The following PSTK variants were observed in gnomAD, a reference collection of about 807,000 sequenced individuals.
PSTK encodes phosphoseryl-tRNA kinase, also known as L-seryl-tRNA(Sec) kinase.
Under a neutral mutation model 38.6 loss-of-function variants are expected in PSTK, and 26 were observed. The observed-to-expected ratio is 0.67, with a 90% CI of 0.49 to 0.94. The LOEUF (loss-of-function observed/expected upper bound fraction) is 0.94, where lower values mean the gene tolerates loss of function less well. Among genes scored for constraint, PSTK ranks in the 40% least tolerant of loss-of-function variants. PSTK has a pLI of 0.00. For missense variants in PSTK, 445 were observed against 436.3 expected (o/e 1.02, Z -0.18); for synonymous variants, 181 against 161.7 (o/e 1.12, Z -0.91).
chr10:122,986,498 C>A, intron 4 of PSTK, 123 bp downstream of exon 4: 1 of 730,914 alleles, frequency 1.4e-6, no homozygotes, highest in Non-Finnish European at 2.4e-6. Context: ...TGGCCTCTCA[C>A]CAGCACTCAC....
chr10:122,984,483 T>C (rs1358531563), intron 3 of PSTK: 1 of 152,280 alleles, frequency 6.6e-6, no homozygotes, highest in South Asian at 2.1e-4. Context: ...TAATTCCTTT[T>C]GAAATTCTTT....
chr10:122,983,395 A>G lies in PSTK; in HGVS notation c.632A>G (p.Lys211Arg). 1 of 1,614,202 alleles carries G rather than the reference A, an allele frequency of 6.2e-7. No homozygotes were observed. Among genetic ancestry groups the G allele is most frequent in the Non-Finnish European group, 8.5e-7 (1 of 1,180,034 alleles). Residue 211 changes from lysine to arginine, a missense_variant, in exon 3 of 6, where the codon AAG (lysine) becomes AGG (arginine). Physicochemically the swap from Lys to Arg is conservative, Grantham distance 26. Transcript: ENST00000406217. ...CACCTGATGGGAAGAAAGCTAGAAAAGCCCAACCCTGAGAAAAATGCTTGG... is the reference window on the plus strand; with the variant it reads ...CACCTGATGGGAAGAAAGCTAGAAAGGCCCAACCCTGAGAAAAATGCTTGG... ...TIHLMGRKLE[K>R]PNPEKNAWEH...
intron 1 of PSTK, among the ~76,000 whole-genome samples, chr10:122,981,272 A>T (rs915846920): frequency 3.3e-5 from 5 of 152,250 alleles, no homozygotes; most frequent in Non-Finnish European, 5.9e-5. Flanking sequence ...TTCATCTCAA[A>T]GTAAATCTGC....
intron 3 of PSTK, 63 bp from the exon 4 acceptor site, chr10:122,986,228 CAAAAAAAAA>C (rs544540038): frequency 3.3e-6 from 2 of 602,124 alleles, no homozygotes; most frequent in South Asian, 2.2e-5. Flanking sequence ...GACTCCATCT[CAAAAAAAAA>C]AAAAAAAAAA....
rs748272349 is a variant in PSTK, at chr10:122,980,649, A to G, written c.170A>G (p.Asp57Gly). ...GWAIGVVAYD[D>G]VMPDAFLAGA... ...GCCATCGGTGTTGTCGCGTATGATG[A>G]CGTCATGCCCGACGCGTTTCTCGCC... is the stretch of plus-strand genomic sequence containing the variant. The change falls in exon 1 of 6, where the codon GAC becomes GGC. Residue 57 changes from aspartate to glycine, a missense_variant. Transcript: ENST00000406217. The surrounding 1 kb of genome is among the most constrained non-coding windows in gnomAD (Gnocchi z 4.3). 1 of 1,598,874 alleles carries G rather than the reference A, an allele frequency of 6.3e-7. No individual in the cohort carries two copies. Among genetic ancestry groups the G allele is most frequent in the Non-Finnish European group, 8.5e-7 (1 of 1,172,310 alleles).
At chr10:122,986,812 A>T in intron 4 of PSTK, 57 bp from the exon 5 acceptor site, 2 of 1,115,050 alleles carry the variant, frequency 1.8e-6, no homozygotes, top group Non-Finnish European at 2.7e-6. Flanking sequence ...CCTATTCTTT[A>T]GCCATTTATT....
chr10:122,980,472 C>G lies in PSTK; in HGVS notation c.-8C>G. Reference sequence around the variant, plus strand: ...CGCTCCCAGACTCCTCCGGTCTCCCCGGGCAGCATGAAGACCGCCGAGAAC... The same window carrying G: ...CGCTCCCAGACTCCTCCGGTCTCCCGGGGCAGCATGAAGACCGCCGAGAAC... On this transcript the variant is annotated 5_prime_UTR_variant, in exon 1 of 6. Transcript: ENST00000406217. The surrounding 1 kb of genome is among the most constrained non-coding windows in gnomAD (Gnocchi z 4.3). 1 of 1,589,262 alleles carries G rather than the reference C, an allele frequency of 6.3e-7. No individual in the cohort carries two copies.
At chr10:122,984,376 C>T (rs1257308519) in intron 3 of PSTK, 1 of 152,192 alleles carries the variant, frequency 6.6e-6, no homozygotes, top group African/African-American at 2.4e-5. Context: ...AGCAATTCTT[C>T]CAACTTGACC....
At chr10:122,990,127 ATTACT>A in intron 5 of PSTK, 42 bp from the exon 6 acceptor site, 1 of 1,284,988 alleles carries the variant, frequency 7.8e-7, no homozygotes, top group Non-Finnish European at 1.1e-6. Context: ...GACACCCCGG[ATTACT>A]TTAATTTACA....
chr10:122,983,219 A>G lies in PSTK; in HGVS notation c.509-53A>G, dbSNP rs141582398. 1,519 of 1,442,578 alleles carry G rather than the reference A, an allele frequency of 1.1e-3. 13 individuals are homozygous for G. The African/African-American group carries it at 0.017, about 16-fold the overall frequency. 89.4% of individuals were successfully genotyped at this position (1,442,578 alleles called of 1,614,324 possible). ...AATTTGTCTAATATATGTTTATTTC[A>G]TATTTTGGAAAAAGAGTATACCAGT... On this transcript the variant is annotated intron_variant, in intron 2 of 5. Coordinates refer to ENST00000406217, the MANE Select transcript of PSTK (RefSeq NM_001363531.2).
chr10:122,983,301 G>C lies in PSTK; in HGVS notation c.538G>C (p.Asp180His). ...GTTGGGCTTTTGCCAGCTCTTTTTA[G>C]ATTGTCCTCTTGAGACCTGTTTACA... ...YSLGFCQLFL[D>H]CPLETCLQRN... The change falls in exon 3 of 6, where the codon GAT becomes CAT. Residue 180 changes from aspartate to histidine, a missense_variant. Coordinates refer to ENST00000406217, the MANE Select transcript of PSTK (RefSeq NM_001363531.2). The C allele has an allele frequency of 1.2e-6, 2 of 1,613,072 alleles. No homozygotes were observed. The highest frequency in any genetic ancestry group is 1.7e-6 in the Non-Finnish European group (2 of 1,179,716).
chr10:122,983,402 C>T lies in PSTK; in HGVS notation c.639C>T (p.Asn213=). The change falls in exon 3 of 6, where the codon AAC becomes AAT. Residue 213 remains asparagine, a synonymous_variant. Coordinates refer to ENST00000406217, the MANE Select transcript of PSTK (RefSeq NM_001363531.2). ...HLMGRKLEKP[N]PEKNAWEHNS... ...TGGGAAGAAAGCTAGAAAAGCCCAACCCTGAGAAAAATGCTTGGGAACACA... is the reference window on the plus strand; with the variant it reads ...TGGGAAGAAAGCTAGAAAAGCCCAATCCTGAGAAAAATGCTTGGGAACACA... 6.2e-7 allele frequency: 1 copy of T among 1,614,166 alleles called. No homozygotes were observed. The highest frequency in any genetic ancestry group is 8.5e-7 in the Non-Finnish European group (1 of 1,180,038).
intron 4 of PSTK, 131 bp from the exon 5 acceptor site, chr10:122,986,738 A>G: frequency 1.6e-6 from 1 of 631,702 alleles, no homozygotes; most frequent in Non-Finnish European, 2.7e-6. Flanking sequence ...ACTCTCTTGT[A>G]GGGAAGAATA....
Position 122,983,318 on chromosome 10 carries a change from C to G in PSTK, c.555C>G (p.Thr185=). The change falls in exon 3 of 6, where the codon ACC becomes ACG. Residue 185 remains threonine, a synonymous_variant. Coordinates refer to ENST00000406217, the MANE Select transcript of PSTK (RefSeq NM_001363531.2). ...TCTTTTTAGATTGTCCTCTTGAGAC[C>G]TGTTTACAGAGGAATGGCCAGAGGC... ...CQLFLDCPLE[T]CLQRNGQRPQ... The G allele has an allele frequency of 6.2e-7, 1 of 1,614,108 alleles. No homozygotes were observed. Among genetic ancestry groups the G allele is most frequent in the Non-Finnish European group, 8.5e-7 (1 of 1,179,992 alleles).
chr10:122,981,760 T>G (rs2133354490), intron 1 of PSTK, among the ~76,000 whole-genome samples: 1 of 152,352 alleles, frequency 6.6e-6, no homozygotes, highest in South Asian at 2.1e-4. Flanking sequence ...TTTTCAACAC[T>G]TCGGAGAAAG....
Position 122,980,745 on chromosome 10 carries a change from CGGGGCGGG to C in PSTK, c.216+52_216+59del. On this transcript the variant is annotated intron_variant, in intron 1 of 5. Transcript: ENST00000406217. The surrounding 1 kb of genome is among the most constrained non-coding windows in gnomAD (Gnocchi z 4.3). ...GGCCGCGGGGCGGGGCGGGGCGGGG[CGGGGCGGG>C]GCGGGGACACTCGCGTCCACGCGGT... The C allele has an allele frequency of 1.4e-5, 1 of 69,988 alleles. No homozygotes were observed. 4.3% of individuals were successfully genotyped at this position (69,988 alleles called of 1,614,324 possible). A position where few individuals can be genotyped will look rare whatever the true frequency, so the allele number is the denominator to read the frequency against.
At chr10:122,986,398 A>G in intron 4 of PSTK, 23 bp downstream of exon 4, 2 of 1,523,474 alleles carry the variant, frequency 1.3e-6, no homozygotes, top group Non-Finnish European at 1.8e-6. Flanking sequence ...TGTAAATTTA[A>G]TGTAAATGAG....
At chr10:122,983,115 G>A in intron 2 of PSTK, 91 bp downstream of exon 2, 1 of 1,309,792 alleles carries the variant, frequency 7.6e-7, no homozygotes, top group Non-Finnish European at 1.1e-6. Context: ...ACTTGATTAG[G>A]AGGTTATGTA....
intron 3 of PSTK, chr10:122,984,838 C>A (rs1406609922): frequency 6.6e-6 from 1 of 152,222 alleles, no homozygotes; most frequent in African/African-American, 2.4e-5. Context: ...TATATGGTCT[C>A]ATTCAGTCCT....
Sources: allele counts gnomAD v4.1 joint callset (sites outside exome capture counted in the v4.1 genomes callset), GRCh38; gene constraint gnomAD v4.1.1; non-coding constraint Gnocchi (gnomAD v3.1); transcripts MANE v1.5; gene names NCBI Gene and HGNC (gene_info 2026-07-23, HGNC 2026-07-21).